The following CADPS2 variants were observed in gnomAD, a reference collection of about 807,000 sequenced individuals.
CADPS2 encodes the protein calcium-dependent secretion activator 2.
A neutral mutation model predicts 172.5 loss-of-function variants in CADPS2; 93 were observed. The ratio of observed to expected loss-of-function variants is 0.54; its 90% CI spans 0.46 to 0.64. CADPS2 has a LOEUF of 0.64. Ranked by LOEUF, CADPS2 falls within the 30% of genes least tolerant of loss-of-function variation. The pLI, the probability that CADPS2 is intolerant of heterozygous loss-of-function variation, is 0.00. For missense variants in CADPS2, 1,420 were observed against 1,565.9 expected (o/e 0.91, Z 1.57); for synonymous variants, 546 against 555.2 (o/e 0.98, Z 0.23).
chr7:122,396,655 A>C (rs534445562), intron 20 of CADPS2, among the ~76,000 whole-genome samples: 37 of 152,212 alleles, frequency 2.4e-4, no homozygotes, highest in South Asian at 2.1e-4. Flanking sequence ...TTCACGATTC[A>C]ATATACACCT....
chr7:122,626,833 T>C (rs545243113), intron 4 of CADPS2, among the ~76,000 whole-genome samples: 1 of 152,340 alleles, frequency 6.6e-6, no homozygotes, highest in Admixed American at 6.5e-5. Flanking sequence ...CCTACTATTA[T>C]GTTTAGAAAA....
At chr7:122,681,734 A>C (rs989165585) in intron 2 of CADPS2, 8 of 576,350 alleles carry the variant, frequency 1.4e-5, no homozygotes, top group East Asian at 9.1e-5. Context: ...GTAAAAAAAT[A>C]ATAATAATAA....
chr7:122,541,682 TTTA>T (rs2062996292), intron 8 of CADPS2, among the ~76,000 whole-genome samples: 1 of 146,182 alleles, frequency 6.8e-6, no homozygotes, highest in South Asian at 2.1e-4. Context: ...TGTTTATATA[TTTA>T]TTCATATATG....
At chr7:122,762,047 C>G (rs1032699892) in intron 1 of CADPS2, among the ~76,000 whole-genome samples, 1 of 145,468 alleles carries the variant, frequency 6.9e-6, no homozygotes, top group African/African-American at 2.5e-5. Flanking sequence ...CACACACACA[C>G]ACACACACAC....
intron 1 of CADPS2, among the ~76,000 whole-genome samples, chr7:122,791,497 A>T (rs1795283950): frequency 6.6e-6 from 1 of 152,212 alleles, no homozygotes. Context: ...ACATACCAGC[A>T]TAGCAACTCA....
intron 6 of CADPS2, among the ~76,000 whole-genome samples, chr7:122,583,173 A>G (rs2069089358): frequency 6.6e-6 from 1 of 151,992 alleles, no homozygotes; most frequent in Non-Finnish European, 1.5e-5. Context: ...ATATTCAAAA[A>G]CTATTCTACA....
rs1564056148 is a variant in CADPS2 at position 122,683,245 on chromosome 7, T to C, written c.454-19676A>G. Among the ~76,000 whole-genome samples, 3 of 152,334 alleles carry C rather than the reference T, an allele frequency of 2.0e-5. No individual in the cohort carries two copies. In the East Asian group the frequency reaches 5.8e-4, roughly 29 times the overall value. ...TCTATCTGTAGTTTCTGATGCTCAG[T>C]TGCTGCTTCTCAGCTTACTCCTCAG... On this transcript the variant is annotated intron_variant, in intron 2 of 29. Coordinates refer to ENST00000449022, the MANE Select transcript of CADPS2 (RefSeq NM_017954.11).
At chr7:122,753,835 C>T (rs936066536) in intron 1 of CADPS2, among the ~76,000 whole-genome samples, 1 of 152,154 alleles carries the variant, frequency 6.6e-6, no homozygotes, top group African/African-American at 2.4e-5. Flanking sequence ...TGGGGTGTTG[C>T]ATATTTCACA....
chr7:122,513,496 G>A (rs2060144889), intron 8 of CADPS2, among the ~76,000 whole-genome samples, 181 bp from the exon 9 acceptor site: 1 of 152,186 alleles, frequency 6.6e-6, no homozygotes, highest in Non-Finnish European at 1.5e-5. Flanking sequence ...GCTTATTCTG[G>A]GTTCTCGAAA....
intron 2 of CADPS2, among the ~76,000 whole-genome samples, chr7:122,728,710 A>AT (rs556122599): frequency 1.2e-3 from 183 of 151,660 alleles, no homozygotes; most frequent in African/African-American, 3.5e-3. Flanking sequence ...CTTTGTTTTT[A>AT]TTTTTTTCAA....
intron 25 of CADPS2, among the ~76,000 whole-genome samples, chr7:122,373,525 C>T (rs1454368030): frequency 1.3e-5 from 2 of 152,226 alleles, no homozygotes; most frequent in East Asian, 3.9e-4. Context: ...CCCAAAGGCC[C>T]TAACAGCTGG....
At chr7:122,599,466 A>G (rs2072412213) in intron 6 of CADPS2, among the ~76,000 whole-genome samples, 1 of 152,100 alleles carries the variant, frequency 6.6e-6, no homozygotes, top group Non-Finnish European at 1.5e-5. Context: ...TAAATGCCCA[A>G]GTCTCTGGCT....
intron 1 of CADPS2, among the ~76,000 whole-genome samples, chr7:122,741,766 CA>C (rs2092488137): frequency 6.6e-6 from 1 of 152,074 alleles, no homozygotes; most frequent in Non-Finnish European, 1.5e-5. Flanking sequence ...TAATTTGGAA[CA>C]AGTATAAAAA....
At chr7:122,506,908 G>C (rs2059652239) in intron 9 of CADPS2, among the ~76,000 whole-genome samples, 1 of 152,052 alleles carries the variant, frequency 6.6e-6, no homozygotes, top group African/African-American at 2.4e-5. Flanking sequence ...AGTCTTTTCA[G>C]AACAATGTTG....
At chr7:122,566,898 G>A (rs2066545509) in intron 7 of CADPS2, among the ~76,000 whole-genome samples, 1 of 152,156 alleles carries the variant, frequency 6.6e-6, no homozygotes, top group Admixed American at 6.5e-5. Flanking sequence ...CATACACTGT[G>A]AGTCAGAAAC....
chr7:122,739,687 A>G (rs1267799103), intron 1 of CADPS2, among the ~76,000 whole-genome samples: 2 of 152,222 alleles, frequency 1.3e-5, no homozygotes, highest in African/African-American at 4.8e-5. Context: ...AAGCAAATAA[A>G]TGAATACTTT....
chr7:122,674,019 C>T (rs2082145606), intron 2 of CADPS2, among the ~76,000 whole-genome samples: 1 of 152,122 alleles, frequency 6.6e-6, no homozygotes, highest in South Asian at 2.1e-4. Context: ...GCGGCTCGGG[C>T]GGGCTGGCAG....
chr7:122,734,500 G>A (rs1725449243), intron 2 of CADPS2, among the ~76,000 whole-genome samples: 1 of 150,524 alleles, frequency 6.6e-6, no homozygotes, highest in South Asian at 2.1e-4. Context: ...GTAAAGTGTA[G>A]GTAATAATAC....
intron 1 of CADPS2, among the ~76,000 whole-genome samples, chr7:122,845,401 C>T (rs1038000201): frequency 6.6e-6 from 1 of 152,202 alleles, no homozygotes; most frequent in Non-Finnish European, 1.5e-5. Context: ...GTGGCACTGC[C>T]AGCAACACAA....
Sources: gnomAD v4.1 joint callset for allele counts (sites outside exome capture counted in the v4.1 genomes callset) on GRCh38, gnomAD v4.1.1 for gene constraint, MANE v1.5 for transcripts, NCBI Gene and HGNC (gene_info 2026-07-23, HGNC 2026-07-21) for gene names.